FMN1: variants seen among roughly 807,000 people sequenced by gnomAD.
The protein encoded by FMN1 is formin-1.
Under a neutral mutation model 132.4 loss-of-function variants are expected in FMN1, and 110 were observed. That is an observed-to-expected ratio of 0.83 (90% confidence interval 0.71 to 0.97). The LOEUF is 0.97. Ranked by LOEUF, FMN1 falls within the 50% of genes least tolerant of loss-of-function variation. FMN1 has a pLI of 0.00. For synonymous variants in FMN1, 722 were observed against 651.7 expected, an observed-to-expected ratio of 1.11 and a Z score of -1.64; for missense variants, 1,792 against 1,705.3, an observed-to-expected ratio of 1.05 and a Z score of -0.90.
intron 4 of FMN1, among the ~76,000 whole-genome samples, chr15:33,127,276 C>G (rs1542375): frequency 0.89 from 134,876 of 152,200 alleles, 59,871 homozygotes; most frequent in East Asian, 0.97. Context: ...TTATTCTTCA[C>G]AACAAGAATC....
intron 7 of FMN1, among the ~76,000 whole-genome samples, chr15:32,984,754 T>C (rs1024431970): frequency 1.3e-5 from 2 of 152,102 alleles, no homozygotes; most frequent in Admixed American, 6.6e-5. Context: ...AACATTTTTT[T>C]CTACACAAAT....
chr15:32,912,442 G>A (rs894758872), intron 10 of FMN1, among the ~76,000 whole-genome samples: 4 of 152,108 alleles, frequency 2.6e-5, no homozygotes, highest in African/African-American at 9.7e-5. Flanking sequence ...TAAATACTGT[G>A]GATTTTTAAG....
At position 32,826,046 on chromosome 15, in the gene FMN1, G is replaced by A. The variant is rs1363353946; in HGVS notation, c.3929-21714C>T. ...AGCACATTTTGGATAAGGCTGTTTG[G>A]ATAACAAAACTCGAATGATGGAAAT... On this transcript the variant is annotated intron_variant, in intron 17 of 20. Transcript: ENST00000616417. Among the ~76,000 whole-genome samples the A allele has an allele frequency of 2.0e-5, 3 of 152,186 alleles. No homozygotes were observed. In the South Asian group the frequency reaches 6.2e-4, roughly 31 times the overall value.
chr15:32,848,977 G>GTTTTTTTTTTTTTTTTT (rs71113479), intron 17 of FMN1, among the ~76,000 whole-genome samples: 4 of 89,550 alleles, frequency 4.5e-5, no homozygotes, highest in African/African-American at 8.0e-5. Context: ...GTTCTCTTTT[G>GTTTTTTTTTTTTTTTTT]TTTTTTTTTT....
intron 12 of FMN1, among the ~76,000 whole-genome samples, chr15:32,904,996 C>T (rs1017598904): frequency 3.9e-5 from 6 of 152,182 alleles, no homozygotes; most frequent in African/African-American, 1.4e-4. Flanking sequence ...GATTGAGTTC[C>T]TTTTGGGCTA....
At chr15:32,884,062 G>A (rs1472438399) in intron 16 of FMN1, among the ~76,000 whole-genome samples, 1 of 151,582 alleles carries the variant, frequency 6.6e-6, no homozygotes, top group Non-Finnish European at 1.5e-5. Context: ...GTATGTGTGT[G>A]TGTCTGTCTC....
chr15:33,060,028 A>G (rs981380482), intron 6 of FMN1, among the ~76,000 whole-genome samples: 6 of 152,176 alleles, frequency 3.9e-5, no homozygotes, highest in Non-Finnish European at 5.9e-5. Flanking sequence ...CTTCACCTCT[A>G]GTTTCCCAGT....
rs144262866 is a variant in FMN1, at chr15:33,189,226, G to A, written c.-197+4683C>T. ...GATGGGTAGGAAAGAGGGAAAGCCC[G>A]GCTAGTCTCCTGTAAGTAGAAGGTA... On this transcript the variant is annotated intron_variant, in intron 2 of 20. Coordinates refer to ENST00000616417, the MANE Select transcript of FMN1 (RefSeq NM_001277313.2). 3.0e-3 allele frequency among the ~76,000 whole-genome samples: 457 copies of A among 152,186 alleles called. 3 individuals are homozygous for A. The highest frequency in any genetic ancestry group is 0.01 in the African/African-American group (424 of 41,522).
intron 17 of FMN1, among the ~76,000 whole-genome samples, chr15:32,840,907 C>T (rs1480228782): frequency 1.3e-5 from 2 of 152,178 alleles, no homozygotes; most frequent in African/African-American, 4.8e-5. Context: ...GCTCATTCCA[C>T]CCTCCCCAGT....
chr15:32,903,345 C>T (rs2060342108), intron 12 of FMN1, among the ~76,000 whole-genome samples: 1 of 152,206 alleles, frequency 6.6e-6, no homozygotes, highest in African/African-American at 2.4e-5. Context: ...GTGTAAATTA[C>T]TTCTTAATGA....
In FMN1 at chr15:32,917,378, T is replaced by C. The variant is rs556211387; in HGVS notation, c.3227-6843A>G. On this transcript the variant is annotated intron_variant, in intron 10 of 20. Coordinates refer to ENST00000616417, the MANE Select transcript of FMN1 (RefSeq NM_001277313.2). The stretch of plus-strand genomic sequence containing the variant: ...CCCAGATATGCACAAATCCTCACTC[T>C]ATGCAAGTATCCAAATGAGACGCTT... Among the ~76,000 whole-genome samples, 18 of 152,334 alleles carry C rather than the reference T, an allele frequency of 1.2e-4. No individual in the cohort carries two copies. In the South Asian group the frequency reaches 3.3e-3, roughly 28 times the overall value.
intron 17 of FMN1, among the ~76,000 whole-genome samples, chr15:32,833,580 TTTG>T (rs2058554294): frequency 1.3e-5 from 2 of 152,188 alleles, no homozygotes; most frequent in Admixed American, 1.3e-4. Context: ...TGTAATGGAC[TTTG>T]TTTTATGGTT....
At chr15:33,117,871 T>C (rs2039987282) in intron 4 of FMN1, among the ~76,000 whole-genome samples, 2 of 152,354 alleles carry the variant, frequency 1.3e-5, no homozygotes, top group African/African-American at 4.8e-5. Flanking sequence ...AAGTTCAGAT[T>C]GACCTCGCAT....
intron 9 of FMN1, among the ~76,000 whole-genome samples, chr15:32,934,224 A>T (rs2061198415): frequency 6.6e-6 from 1 of 152,160 alleles, no homozygotes; most frequent in South Asian, 2.1e-4. Flanking sequence ...ACATATACAA[A>T]TTCTACTCTT....
At chr15:32,810,324 T>C (rs1346692127) in intron 17 of FMN1, among the ~76,000 whole-genome samples, 1 of 152,214 alleles carries the variant, frequency 6.6e-6, no homozygotes, top group Non-Finnish European at 1.5e-5. Context: ...AAATTTCTAA[T>C]CTTCCATCTT....
intron 19 of FMN1, among the ~76,000 whole-genome samples, chr15:32,780,264 G>A (rs2056621491): frequency 6.6e-6 from 1 of 152,098 alleles, no homozygotes; most frequent in African/African-American, 2.4e-5. Context: ...AGAGACATGA[G>A]GTCAGCACAA....
chr15:33,086,710 T>TTTAAGCATC (rs1185067569), intron 5 of FMN1, among the ~76,000 whole-genome samples: 1 of 152,238 alleles, frequency 6.6e-6, no homozygotes, highest in Non-Finnish European at 1.5e-5. Flanking sequence ...CACTTCCTAC[T>TTTAAGCATC]TTAAGCATCT....
At chr15:32,962,127 T>C (rs2030637100) in intron 9 of FMN1, among the ~76,000 whole-genome samples, 1 of 151,904 alleles carries the variant, frequency 6.6e-6, no homozygotes, top group South Asian at 2.1e-4. Context: ...ATTATTATTA[T>C]TATTTTACTT....
In FMN1 at chr15:33,128,258, A is replaced by G. The variant is rs192378843; in HGVS notation, c.1867+24790T>C. On this transcript the variant is annotated intron_variant, in intron 4 of 20. Transcript: ENST00000616417. ...ACCATAATTTCCAACACCCTCAGAG[A>G]GCAATAATTAGAAGCGCAACAGTTG... 1.9e-4 allele frequency among the ~76,000 whole-genome samples: 27 copies of G among 144,392 alleles called. No individual in the cohort carries two copies. In the East Asian group the frequency reaches 5.0e-3, roughly 27 times the overall value. The allele number at this position is 144,392 out of a possible 152,430, so 94.7% of individuals were successfully genotyped here. A position where few individuals can be genotyped will look rare whatever the true frequency, so the allele number is the denominator to read the frequency against.
Sources: allele counts gnomAD v4.1 joint callset (sites outside exome capture counted in the v4.1 genomes callset), GRCh38; gene constraint gnomAD v4.1.1; transcripts MANE v1.5; gene names NCBI Gene and HGNC (gene_info 2026-07-23, HGNC 2026-07-21).